Variants in FRMD4B observed in about 807,000 individuals in gnomAD.
FRMD4B encodes FERM domain containing 4B, also known as FERM domain-containing protein 4B.
A neutral mutation model predicts 141.5 loss-of-function variants in FRMD4B; 74 were observed. That is an observed-to-expected ratio of 0.52 (90% CI 0.43 to 0.63). FRMD4B has a LOEUF of 0.63. FRMD4B is among the 30% of genes least tolerant of loss of function. The pLI, the probability that FRMD4B is intolerant of heterozygous loss-of-function variation, is 0.00. For synonymous variants in FRMD4B, 506 were observed against 467.9 expected (o/e 1.08, Z -1.05); for missense variants, 1,366 against 1,253.4 (o/e 1.09, Z -1.36).
chr3:69,201,862 G>A (rs956824583), intron 11 of FRMD4B, among the ~76,000 whole-genome samples: 2 of 152,098 alleles, frequency 1.3e-5, no homozygotes, highest in African/African-American at 4.8e-5. Context: ...GTTTATCTTA[G>A]AAGATAAATA....
In FRMD4B at chr3:69,386,012, C is replaced by A; in HGVS notation, c.-23G>T. ...CATGCCTCCTCCTTCGCTCTGAACC[C>A]GGGCGTCCCGGCTCTCGTACGTGCA... On this transcript the variant is annotated 5_prime_UTR_variant, in exon 1 of 23. Transcript: ENST00000398540. 6.5e-7 allele frequency: 1 copy of A among 1,546,052 alleles called. No homozygotes were observed.
intron 1 of FRMD4B, among the ~76,000 whole-genome samples, chr3:69,348,828 T>C (rs544899624): frequency 1.2e-3 from 181 of 152,324 alleles, no homozygotes; most frequent in Non-Finnish European, 1.9e-3. Context: ...ATTGATGGGA[T>C]GTATCTCAAA....
chr3:69,290,711 G>T (rs925855617), intron 4 of FRMD4B, among the ~76,000 whole-genome samples: 2 of 152,154 alleles, frequency 1.3e-5, no homozygotes, highest in Non-Finnish European at 2.9e-5. Context: ...CTTCCCGATT[G>T]TTCTCTCATT....
upstream of FRMD4B, among the ~76,000 whole-genome samples, chr3:69,388,680 C>T (rs1413503236): frequency 6.6e-6 from 1 of 152,104 alleles, no homozygotes; most frequent in Non-Finnish European, 1.5e-5. Flanking sequence ...GTATTCACTA[C>T]AAAAAGTTTG....
chr3:69,506,273 C>A lies in FRMD4B; in HGVS notation c.-129+35933G>T, dbSNP rs1033634920. Among the ~76,000 whole-genome samples the A allele has an allele frequency of 2.6e-5, 4 of 152,166 alleles. No homozygotes were observed. In the East Asian group the frequency reaches 5.8e-4, roughly 22 times the overall value. On this transcript the variant is annotated intron_variant, in intron 1 of 5. Coordinates refer to the FRMD4B transcript ENST00000459638. ...TTTATGTTGAGAAGACTGGCGGGGA[C>A]TCATAAGTGTTGGAATTCTCTTACA... is the stretch of plus-strand genomic sequence containing the variant.
intron 1 of FRMD4B, among the ~76,000 whole-genome samples, chr3:69,531,753 T>C (rs558201818): frequency 6.6e-6 from 1 of 152,360 alleles, no homozygotes; most frequent in African/African-American, 2.4e-5. Context: ...GTTTCCAGTA[T>C]GCTTTTCCAA....
chr3:69,407,742 G>C (rs1704673417), intron 2 of FRMD4B, among the ~76,000 whole-genome samples: 1 of 152,250 alleles, frequency 6.6e-6, no homozygotes, highest in Admixed American at 6.5e-5. Context: ...GTGGGAAAGA[G>C]TGCTATGATT....
At chr3:69,347,020 A>G (rs921950844) in intron 1 of FRMD4B, among the ~76,000 whole-genome samples, 1 of 152,248 alleles carries the variant, frequency 6.6e-6, no homozygotes, top group Non-Finnish European at 1.5e-5. Context: ...TGCTCCAATT[A>G]AAAGATGTAG....
chr3:69,255,886 C>T (rs2093489253), intron 5 of FRMD4B, among the ~76,000 whole-genome samples: 1 of 152,120 alleles, frequency 6.6e-6, no homozygotes, highest in South Asian at 2.1e-4. Context: ...CAACTGTATC[C>T]ACTGCTGAGC....
At chr3:69,267,626 TATATATATATAG>T (rs2093571977) in intron 5 of FRMD4B, among the ~76,000 whole-genome samples, 2 of 13,932 alleles carry the variant, frequency 1.4e-4, no homozygotes, top group African/African-American at 5.0e-4. Context: ...TATATATATA[TATATATATATAG>T]AGAGAGAGAG....
intron 1 of FRMD4B, among the ~76,000 whole-genome samples, chr3:69,479,736 G>A (rs1706082385): frequency 6.6e-6 from 1 of 152,124 alleles, no homozygotes; most frequent in Non-Finnish European, 1.5e-5. Context: ...TGTATTTCCT[G>A]AATCTGAATG....
At chr3:69,253,329 A>G (rs1424045644) in intron 5 of FRMD4B, among the ~76,000 whole-genome samples, 2 of 151,356 alleles carry the variant, frequency 1.3e-5, no homozygotes, top group African/African-American at 2.4e-5. Flanking sequence ...TTAACTTTTT[A>G]TGACTGCAGT....
At chr3:69,323,608 G>GTCTA (rs1263800285) in intron 1 of FRMD4B, among the ~76,000 whole-genome samples, 1 of 101,672 alleles carries the variant, frequency 9.8e-6, no homozygotes, top group Non-Finnish European at 1.9e-5. Context: ...CTCTCTCTGT[G>GTCTA]TATATATATA....
At chr3:69,362,699 AACC>A (rs1703503836) in intron 1 of FRMD4B, among the ~76,000 whole-genome samples, 1 of 72,938 alleles carries the variant, frequency 1.4e-5, no homozygotes, top group Non-Finnish European at 2.7e-5. Context: ...ACAAAAAGCC[AACC>A]CCCCCCCCAA....
chr3:69,248,213 C>A (rs1267142665), intron 7 of FRMD4B, among the ~76,000 whole-genome samples: 1 of 151,364 alleles, frequency 6.6e-6, no homozygotes, highest in Non-Finnish European at 1.5e-5. Context: ...TTCATGATTT[C>A]TTCAAATTTC....
chr3:69,354,517 G>A (rs1438194661), intron 1 of FRMD4B, among the ~76,000 whole-genome samples: 4 of 152,110 alleles, frequency 2.6e-5, no homozygotes, highest in Non-Finnish European at 5.9e-5. Context: ...GTGTTTTACA[G>A]TTGTATATAT....
At chr3:69,374,678 C>G (rs1424444765) in intron 1 of FRMD4B, among the ~76,000 whole-genome samples, 1 of 152,162 alleles carries the variant, frequency 6.6e-6, no homozygotes, top group Non-Finnish European at 1.5e-5. Context: ...AATAAAGCAA[C>G]TAAAAGTTGT....
At chr3:69,450,341 T>C (rs1705474756) in intron 1 of FRMD4B, among the ~76,000 whole-genome samples, 1 of 151,980 alleles carries the variant, frequency 6.6e-6, no homozygotes, top group Non-Finnish European at 1.5e-5. Context: ...TGAAAAGAAT[T>C]AGCCAGGCAT....
chr3:69,195,205 T>TGATGAGCCCCA (rs1224287696), intron 15 of FRMD4B, 26 bp downstream of exon 15: 1 of 1,613,044 alleles, frequency 6.2e-7, no homozygotes, highest in Non-Finnish European at 8.5e-7. Flanking sequence ...AAACACAACT[T>TGATGAGCCCCA]GATGAGCCCC....
Sources: gnomAD v4.1 joint callset for allele counts (sites outside exome capture counted in the v4.1 genomes callset) on GRCh38, gnomAD v4.1.1 for gene constraint, MANE v1.5 for transcripts, NCBI Gene and HGNC (gene_info 2026-07-23, HGNC 2026-07-21) for gene names.